ADGB: variants seen among roughly 807,000 people sequenced by gnomAD.
ADGB encodes the protein androglobin, also known as calpain-7-like protein.
ADGB carries 172 observed loss-of-function variants against 210.5 expected under a neutral mutation model. The observed-to-expected ratio is 0.82, with a 90% CI of 0.72 to 0.93. The LOEUF is 0.93. ADGB is among the 40% of genes least tolerant of loss of function. The pLI is 0.00. For missense variants in ADGB, 2,025 were observed against 1,964.8 expected (o/e 1.03, Z -0.58); for synonymous variants, 658 against 662.7 (o/e 0.99, Z 0.11).
intron 1 of ADGB, among the ~76,000 whole-genome samples, chr6:146,608,242 G>C (rs1306825709): frequency 6.6e-6 from 1 of 151,608 alleles, no homozygotes; most frequent in East Asian, 1.9e-4. Context: ...TTTCTGCAGA[G>C]CCAGCGGTAG....
intron 3 of ADGB, among the ~76,000 whole-genome samples, chr6:146,650,597 C>CAAAAAAAAAAAAAAA (rs57913607): frequency 5.5e-5 from 2 of 36,534 alleles, no homozygotes; most frequent in African/African-American, 1.3e-4. Flanking sequence ...TCCCTCCCAC[C>CAAAAAAAAAAAAAAA]AAAAAAAAAA....
intron 35 of ADGB, chr6:146,803,042 T>A (rs1002565929): frequency 6.3e-7 from 1 of 1,578,364 alleles, no homozygotes; most frequent in African/African-American, 1.3e-5. Context: ...GTGACTTTAC[T>A]AGAAGCAACA....
chr6:146,799,449 G>A (rs1217672888), intron 33 of ADGB, among the ~76,000 whole-genome samples: 3 of 151,006 alleles, frequency 2.0e-5, no homozygotes, highest in Non-Finnish European at 2.9e-5. Flanking sequence ...CAGGAGAATC[G>A]CTTGAACCAG....
At chr6:146,624,855 T>C (rs982321969) in intron 1 of ADGB, among the ~76,000 whole-genome samples, 20 of 151,994 alleles carry the variant, frequency 1.3e-4, no homozygotes, top group Admixed American at 1.2e-3. Context: ...AGTGTGTTAT[T>C]TATATTTCAA....
chr6:146,675,478 G>GA (rs919320229), intron 8 of ADGB, among the ~76,000 whole-genome samples: 18 of 141,008 alleles, frequency 1.3e-4, no homozygotes, highest in African/African-American at 2.4e-4. Flanking sequence ...CTGTCAAAAA[G>GA]AAAAAAAAAA....
chr6:146,787,857 G>A (rs1404378159), intron 32 of ADGB, among the ~76,000 whole-genome samples: 1 of 152,142 alleles, frequency 6.6e-6, no homozygotes, highest in Non-Finnish European at 1.5e-5. Context: ...AGGAAATTAT[G>A]GTAGGTTTTA....
At chr6:146,810,141 G>A (rs1008290527) in intron 35 of ADGB, among the ~76,000 whole-genome samples, 7 of 152,180 alleles carry the variant, frequency 4.6e-5, no homozygotes, top group African/African-American at 1.4e-4. Context: ...TTTAAAAATG[G>A]GCAAAGGACT....
At chr6:146,744,733 A>G (rs377368220) in intron 25 of ADGB, among the ~76,000 whole-genome samples, 3 of 152,154 alleles carry the variant, frequency 2.0e-5, no homozygotes, top group African/African-American at 7.2e-5. Context: ...ACTCGATTAT[A>G]TAAATGTTTT....
At chr6:146,638,609 T>TA (rs1554221993) in intron 2 of ADGB, among the ~76,000 whole-genome samples, 1 of 24,130 alleles carries the variant, frequency 4.1e-5, no homozygotes, top group Non-Finnish European at 1.0e-4. Context: ...TGTTGTGGGG[T>TA]GGGGGGGGGG....
At chr6:146,757,286 T>C (rs1380551279) in intron 27 of ADGB, among the ~76,000 whole-genome samples, 1 of 151,934 alleles carries the variant, frequency 6.6e-6, no homozygotes, top group Non-Finnish European at 1.5e-5. Context: ...TGGTGGTTTT[T>C]GTTAATAGTA....
At chr6:146,722,678 A>G (rs569767839) in intron 17 of ADGB, among the ~76,000 whole-genome samples, 1 of 152,270 alleles carries the variant, frequency 6.6e-6, no homozygotes, top group Admixed American at 6.5e-5. Flanking sequence ...CAAATCTTCA[A>G]CACCTACTCT....
chr6:146,711,101 CCT>C (rs972031958), intron 13 of ADGB, among the ~76,000 whole-genome samples: 6 of 152,138 alleles, frequency 3.9e-5, no homozygotes, highest in African/African-American at 1.4e-4. Context: ...TACACTTTCC[CCT>C]GTCTTCAAGA....
At position 146,663,296 on chromosome 6, in the gene ADGB, T is replaced by C. The variant is rs182340737; in HGVS notation, c.613-905T>C. On this transcript the variant is annotated intron_variant, in intron 5 of 35. Coordinates refer to ENST00000397944, the MANE Select transcript of ADGB (RefSeq NM_024694.4). ...CAGAATACTATAGACTGGTGACTTA[T>C]AAACAGCAAGAATTTATTTTTTATA... Among the ~76,000 whole-genome samples the C allele has an allele frequency of 1.3e-3, 191 of 150,526 alleles. 1 individual carries two copies. The highest frequency in any genetic ancestry group is 4.6e-3 in the African/African-American group (188 of 41,082).
chr6:146,769,950 G>A (rs935677472), intron 29 of ADGB, among the ~76,000 whole-genome samples: 1 of 152,102 alleles, frequency 6.6e-6, no homozygotes, highest in African/African-American at 2.4e-5. Context: ...ATGATAAGAC[G>A]TAAACTCTTA....
chr6:146,641,272 T>G (rs1775509440), intron 2 of ADGB, among the ~76,000 whole-genome samples: 1 of 151,846 alleles, frequency 6.6e-6, no homozygotes, highest in South Asian at 2.1e-4. Context: ...TGGGAAAACA[T>G]TCCATGCTCA....
At chr6:146,697,686 A>C (rs911903976) in intron 12 of ADGB, among the ~76,000 whole-genome samples, 3 of 152,164 alleles carry the variant, frequency 2.0e-5, no homozygotes, top group African/African-American at 7.2e-5. Flanking sequence ...CGTACTTGCC[A>C]GTGGTTCTCA....
At chr6:146,688,047 GA>G (rs1385946821) in intron 10 of ADGB, among the ~76,000 whole-genome samples, 2 of 152,054 alleles carry the variant, frequency 1.3e-5, no homozygotes, top group African/African-American at 2.4e-5. Context: ...CAGATTTTAT[GA>G]ATTATCTATG....
At chr6:146,658,433 C>T (rs1038027242) in intron 5 of ADGB, among the ~76,000 whole-genome samples, 9 of 151,934 alleles carry the variant, frequency 5.9e-5, no homozygotes, top group African/African-American at 9.7e-5. Context: ...AAAGAAGGTA[C>T]GCAGAGGAAA....
At chr6:146,753,018 C>A (rs1333401728) in intron 27 of ADGB, among the ~76,000 whole-genome samples, 2 of 151,780 alleles carry the variant, frequency 1.3e-5, no homozygotes, top group Non-Finnish European at 2.9e-5. Flanking sequence ...ATTCGTAATT[C>A]ATTATTTTCA....
Sources: gnomAD v4.1 joint callset for allele counts (sites outside exome capture counted in the v4.1 genomes callset) on GRCh38, gnomAD v4.1.1 for gene constraint, MANE v1.5 for transcripts, NCBI Gene and HGNC (gene_info 2026-07-23, HGNC 2026-07-21) for gene names.